Variants in FMN1 observed in about 807,000 individuals in gnomAD.
FMN1 encodes the protein formin-1.
In FMN1, 110 loss-of-function variants were observed where a neutral mutation model predicts 132.4. The ratio of observed to expected loss-of-function variants is 0.83; its 90% CI spans 0.71 to 0.97. The LOEUF is 0.97. Ranked by LOEUF, FMN1 falls within the 50% of genes least tolerant of loss-of-function variation. The pLI, the probability that FMN1 is intolerant of heterozygous loss-of-function variation, is 0.00. For missense variants in FMN1, 1,792 were observed against 1,705.3 expected (o/e 1.05, Z -0.90); for synonymous variants, 722 against 651.7 (o/e 1.11, Z -1.64).
intron 17 of FMN1, among the ~76,000 whole-genome samples, chr15:32,850,084 G>T (rs1209193321): frequency 4.6e-5 from 7 of 152,200 alleles, no homozygotes; most frequent in Admixed American, 4.6e-4. Context: ...ATTTTCTTGA[G>T]TAGCAGTGGA....
chr15:33,088,190 C>T (rs547395297), intron 5 of FMN1, among the ~76,000 whole-genome samples: 4 of 151,586 alleles, frequency 2.6e-5, no homozygotes, highest in Admixed American at 6.6e-5. Flanking sequence ...ACCACCTGTT[C>T]GCCAAAAACC....
At chr15:33,018,500 G>T (rs577446353) in intron 6 of FMN1, among the ~76,000 whole-genome samples, 1 of 152,096 alleles carries the variant, frequency 6.6e-6, no homozygotes, top group Non-Finnish European at 1.5e-5. Flanking sequence ...AACCCAAGAG[G>T]ACTGGGTTCA....
chr15:33,110,835 A>G (rs759992030), intron 4 of FMN1, among the ~76,000 whole-genome samples: 68 of 152,106 alleles, frequency 4.5e-4, no homozygotes, highest in Non-Finnish European at 8.2e-4. Flanking sequence ...TTTTTAGTCC[A>G]TTAAAATTTT....
chr15:32,843,072 A>G (rs1248344033), intron 17 of FMN1, among the ~76,000 whole-genome samples: 2 of 150,938 alleles, frequency 1.3e-5, no homozygotes, highest in East Asian at 3.9e-4. Flanking sequence ...GGTTGTGGTG[A>G]GCCGAGATCA....
At chr15:32,836,470 T>G (rs141116325) in intron 17 of FMN1, among the ~76,000 whole-genome samples, 395 of 152,336 alleles carry the variant, frequency 2.6e-3, no homozygotes, top group African/African-American at 9.1e-3. Flanking sequence ...ATATTCTAAC[T>G]TAGCTTTACC....
intron 5 of FMN1, among the ~76,000 whole-genome samples, chr15:33,081,947 T>G (rs2038477922): frequency 6.6e-6 from 1 of 152,026 alleles, no homozygotes; most frequent in South Asian, 2.1e-4. Flanking sequence ...CAGTAAAAAG[T>G]ATGCAGGGCC....
intron 7 of FMN1, among the ~76,000 whole-genome samples, chr15:32,969,880 T>C (rs558503854): frequency 2.0e-5 from 3 of 152,156 alleles, no homozygotes; most frequent in Non-Finnish European, 4.4e-5. Context: ...AAGAAAAAAA[T>C]AGGTTTAGAG....
chr15:33,005,254 T>C (rs144301868), intron 7 of FMN1, among the ~76,000 whole-genome samples: 3 of 149,916 alleles, frequency 2.0e-5, no homozygotes, highest in Admixed American at 1.3e-4. Flanking sequence ...CAGATGGCAA[T>C]AGTGAGCCAT....
At chr15:33,192,450 G>C (rs1288077088) in intron 2 of FMN1, among the ~76,000 whole-genome samples, 1 of 152,190 alleles carries the variant, frequency 6.6e-6, no homozygotes, top group Non-Finnish European at 1.5e-5. Flanking sequence ...TGTGACAAAG[G>C]CTTCATCAAT....
chr15:33,120,275 G>C (rs544523146), intron 4 of FMN1, among the ~76,000 whole-genome samples: 1 of 152,230 alleles, frequency 6.6e-6, no homozygotes, highest in South Asian at 2.1e-4. Flanking sequence ...ACAAAACTTG[G>C]CACACCCTGC....
intron 18 of FMN1, among the ~76,000 whole-genome samples, chr15:32,801,005 C>T (rs748667775): frequency 2.6e-5 from 4 of 152,130 alleles, no homozygotes; most frequent in Non-Finnish European, 5.9e-5. Flanking sequence ...TTTAGAGGGA[C>T]AACTTATCTT....
At chr15:32,868,557 G>A (rs2059445278) in intron 16 of FMN1, among the ~76,000 whole-genome samples, 1 of 152,102 alleles carries the variant, frequency 6.6e-6, no homozygotes, top group Non-Finnish European at 1.5e-5. Flanking sequence ...GTTGTTAAGT[G>A]ACACATGACT....
chr15:33,042,414 A>T (rs343899), intron 6 of FMN1, among the ~76,000 whole-genome samples: 133,590 of 152,182 alleles, frequency 0.88, 59,283 homozygotes, highest in Middle Eastern at 0.93. Flanking sequence ...CAAGAGTGTA[A>T]GTGCCTAAGC....
chr15:32,822,883 G>A (rs990999724), intron 17 of FMN1, among the ~76,000 whole-genome samples: 1 of 152,178 alleles, frequency 6.6e-6, no homozygotes, highest in African/African-American at 2.4e-5. Flanking sequence ...TTTTTCAGGT[G>A]TAAATTCTCC....
chr15:32,930,746 T>A (rs1034528234), intron 9 of FMN1, among the ~76,000 whole-genome samples: 4 of 152,028 alleles, frequency 2.6e-5, no homozygotes, highest in African/African-American at 9.7e-5. Flanking sequence ...ATGCTTTTCA[T>A]GCTATATCCA....
At chr15:33,073,001 G>C (rs1206713363) in intron 5 of FMN1, among the ~76,000 whole-genome samples, 1 of 151,838 alleles carries the variant, frequency 6.6e-6, no homozygotes, top group Non-Finnish European at 1.5e-5. Context: ...GCAATAAAAG[G>C]CACATTATCT....
At position 33,078,887 on chromosome 15, in the gene FMN1, T is replaced by C. The variant is rs115748568; in HGVS notation, c.2043+9912A>G. Among the ~76,000 whole-genome samples the C allele has an allele frequency of 2.8e-3, 430 of 152,312 alleles. 1 individual carries two copies. Among genetic ancestry groups the C allele is most frequent in the African/African-American group, 9.6e-3 (398 of 41,564 alleles). ...AAGAGACCAGGGTTGGAAGATACCA[T>C]GTGAGGCTCACAGCACTCTAAGTTT... On this transcript the variant is annotated intron_variant, in intron 5 of 20. Transcript: ENST00000616417.
chr15:33,074,238 T>C (rs1238632677), intron 5 of FMN1, among the ~76,000 whole-genome samples: 1 of 152,208 alleles, frequency 6.6e-6, no homozygotes, highest in Non-Finnish European at 1.5e-5. Flanking sequence ...ATTTTCCACA[T>C]CTTTGAAATG....
At chr15:33,004,717 T>A (rs1596452259) in intron 7 of FMN1, among the ~76,000 whole-genome samples, 1 of 152,320 alleles carries the variant, frequency 6.6e-6, no homozygotes, top group East Asian at 1.9e-4. Context: ...TAAATCATGC[T>A]GCTATAAAGA....
Sources: allele counts gnomAD v4.1 joint callset (sites outside exome capture counted in the v4.1 genomes callset), GRCh38; gene constraint gnomAD v4.1.1; transcripts MANE v1.5; gene names NCBI Gene and HGNC (gene_info 2026-07-23, HGNC 2026-07-21).